Variants in NCAM2 observed in about 807,000 individuals in gnomAD.
NCAM2 encodes the protein N-CAM-2.
Under a neutral mutation model 98.1 loss-of-function variants are expected in NCAM2, and 30 were observed. The observed-to-expected ratio is 0.31, with a 90% CI of 0.23 to 0.41. The LOEUF (loss-of-function observed/expected upper bound fraction) is 0.41. Ranked by LOEUF, NCAM2 falls within the 10% of genes least tolerant of loss-of-function variation. The pLI is 1.00. For synonymous variants in NCAM2, 368 were observed against 342.4 expected, an observed-to-expected ratio of 1.07 and a Z score of -0.83; for missense variants, 867 against 1,005.8, an observed-to-expected ratio of 0.86 and a Z score of 1.87.
At position 21,096,927 on chromosome 21, in the gene NCAM2, T is replaced by G. The variant is rs555681614; in HGVS notation, c.55+98309T>G. ...CAGCCTTAACCAATTTTCTCTGACT[T>G]TCTATCTTAAAGCCTCTGTAATGGA... On this transcript the variant is annotated intron_variant, in intron 1 of 17. Transcript: ENST00000400546. 7.4e-4 allele frequency among the ~76,000 whole-genome samples: 112 copies of G among 151,892 alleles called. 1 individual carries two copies. Among genetic ancestry groups the G allele is most frequent in the Admixed American group, 2.8e-3 (42 of 15,202 alleles).
intron 1 of NCAM2, among the ~76,000 whole-genome samples, chr21:21,277,234 T>C (rs1432203702): frequency 1.3e-5 from 2 of 152,232 alleles, no homozygotes; most frequent in East Asian, 1.9e-4. Context: ...TGTCAATTAT[T>C]CTGCCATTCA....
At chr21:21,101,796 TAAGTA>T (rs1369885731) in intron 1 of NCAM2, among the ~76,000 whole-genome samples, 1 of 151,988 alleles carries the variant, frequency 6.6e-6, no homozygotes, top group Non-Finnish European at 1.5e-5. Context: ...ATGAACAAAA[TAAGTA>T]AAGTTAAAAT....
chr21:21,207,685 T>G (rs1021916593), intron 1 of NCAM2, among the ~76,000 whole-genome samples: 3 of 152,080 alleles, frequency 2.0e-5, no homozygotes, highest in African/African-American at 7.2e-5. Flanking sequence ...AAATACCTAT[T>G]CCAGGATGGC....
At chr21:21,163,827 T>C (rs2067866494) in intron 1 of NCAM2, among the ~76,000 whole-genome samples, 1 of 152,196 alleles carries the variant, frequency 6.6e-6, no homozygotes, top group Non-Finnish European at 1.5e-5. Flanking sequence ...TACAAAAGTT[T>C]CACATTTAGT....
chr21:21,174,439 A>T (rs190611119), intron 1 of NCAM2, among the ~76,000 whole-genome samples: 100 of 152,322 alleles, frequency 6.6e-4, no homozygotes, highest in African/African-American at 2.3e-3. Context: ...CTGAAAAACA[A>T]ATTGAACTGG....
chr21:21,353,045 G>T (rs532949150), intron 8 of NCAM2, among the ~76,000 whole-genome samples: 1 of 151,718 alleles, frequency 6.6e-6, no homozygotes, highest in African/African-American at 2.4e-5. Context: ...GTAGAGATGG[G>T]GTTTCACCAT....
intron 1 of NCAM2, among the ~76,000 whole-genome samples, chr21:21,122,733 A>T (rs2066701712): frequency 6.6e-6 from 1 of 152,132 alleles, no homozygotes; most frequent in Non-Finnish European, 1.5e-5. Context: ...GGGGTCAAAG[A>T]GTTTTTGGAA....
At chr21:21,247,058 G>A (rs1410959770) in intron 1 of NCAM2, among the ~76,000 whole-genome samples, 3 of 151,856 alleles carry the variant, frequency 2.0e-5, no homozygotes, top group African/African-American at 4.8e-5. Context: ...GTTGGCTCAC[G>A]CCTGTAATCC....
chr21:21,350,948 A>AAG (rs2075319548), intron 8 of NCAM2, among the ~76,000 whole-genome samples: 3 of 53,232 alleles, frequency 5.6e-5, no homozygotes, highest in Admixed American at 5.0e-4. Context: ...AAAAAAAAAA[A>AAG]GGAGAGAAAA....
intron 1 of NCAM2, among the ~76,000 whole-genome samples, chr21:21,108,585 C>T (rs978734958): frequency 2.0e-5 from 3 of 152,000 alleles, no homozygotes; most frequent in African/African-American, 7.2e-5. Flanking sequence ...TAAGGGCAGG[C>T]TATAATTTGA....
intron 1 of NCAM2, among the ~76,000 whole-genome samples, chr21:21,121,865 C>T (rs577718863): frequency 1.4e-4 from 22 of 152,060 alleles, no homozygotes; most frequent in Non-Finnish European, 2.9e-4. Flanking sequence ...ATACCACAGC[C>T]GAAGGCTCTA....
Position 21,063,587 on chromosome 21 carries a change from CA to C in NCAM2, c.55+64978del, listed in dbSNP as rs200683172. ...GATTAAAAATGAATATAGAAAGTGT[CA>C]AAAAAAAATAAATTTTCTAGTTGTT... On this transcript the variant is annotated intron_variant, in intron 1 of 17. Coordinates refer to ENST00000400546, the MANE Select transcript of NCAM2 (RefSeq NM_004540.5). 3.5e-3 allele frequency among the ~76,000 whole-genome samples: 482 copies of C among 139,558 alleles called. 3 individuals carry two copies. The highest frequency in any genetic ancestry group is 0.012 in the African/African-American group (459 of 37,608). 91.6% of individuals were successfully genotyped at this position (139,558 alleles called of 152,430 possible). A position where few individuals can be genotyped will look rare whatever the true frequency, so the allele number is the denominator to read the frequency against.
At chr21:21,143,424 G>A (rs2067208646) in intron 1 of NCAM2, among the ~76,000 whole-genome samples, 1 of 152,106 alleles carries the variant, frequency 6.6e-6, no homozygotes, top group African/African-American at 2.4e-5. Context: ...CCTTTGCCCT[G>A]TGAATTTTTA....
At chr21:21,032,187 T>G (rs199991121) in intron 1 of NCAM2, among the ~76,000 whole-genome samples, 2 of 12,368 alleles carry the variant, frequency 1.6e-4, no homozygotes, top group Admixed American at 2.9e-3. Context: ...ACTCTATAAA[T>G]AATATTTTCT....
At chr21:21,331,352 G>C (rs542495178) in intron 6 of NCAM2, among the ~76,000 whole-genome samples, 3 of 149,780 alleles carry the variant, frequency 2.0e-5, no homozygotes, top group Admixed American at 1.3e-4. Context: ...TGCCAGGGTT[G>C]AACTTCAAAT....
At chr21:21,078,763 T>A (rs781157366) in intron 1 of NCAM2, among the ~76,000 whole-genome samples, 10 of 152,094 alleles carry the variant, frequency 6.6e-5, no homozygotes, top group Non-Finnish European at 1.3e-4. Flanking sequence ...CTGTTTACAA[T>A]AACAAACACA....
chr21:21,432,275 G>T lies in NCAM2; in HGVS notation c.1648G>T (p.Val550Phe), dbSNP rs1569057465. Residue 550 changes from valine (V) to phenylalanine (F), a missense_variant, in exon 12 of 18, where the codon GTT becomes TTT. Transcript: ENST00000400546. ...EIWKIVRSHG[V>F]QTMVVLNNLE... ...CTGGAAAATTGTACGCTCCCATGGA[G>T]TTCAAAGTGAGTCAACAATTTCAAA... 5 of 1,612,474 alleles carry T rather than the reference G, an allele frequency of 3.1e-6. No homozygotes were observed. The Admixed American group carries it at 5.0e-5, about 16-fold the overall frequency.
At chr21:21,332,660 T>C (rs984088027) in intron 6 of NCAM2, among the ~76,000 whole-genome samples, 3 of 152,146 alleles carry the variant, frequency 2.0e-5, no homozygotes, top group African/African-American at 7.2e-5. Context: ...CTGTCTTCTC[T>C]CACATTATCT....
chr21:21,228,648 A>G (rs2070490310), intron 1 of NCAM2, among the ~76,000 whole-genome samples: 1 of 151,544 alleles, frequency 6.6e-6, no homozygotes. Flanking sequence ...TTTAAAACAC[A>G]GAAATGATAT....
Sources: gnomAD v4.1 joint callset for allele counts (sites outside exome capture counted in the v4.1 genomes callset) on GRCh38, gnomAD v4.1.1 for gene constraint, MANE v1.5 for transcripts, NCBI Gene and HGNC (gene_info 2026-07-23, HGNC 2026-07-21) for gene names.